Variants in TBX19 observed in about 807,000 individuals in gnomAD.
TBX19 encodes T-box transcription factor 19, also known as T-box transcription factor TBX19.
A neutral mutation model predicts 40.9 loss-of-function variants in TBX19; 33 were observed. The observed-to-expected ratio is 0.81, with a 90% CI of 0.61 to 1.08. The LOEUF (loss-of-function observed/expected upper bound fraction) is 1.08, where lower values mean the gene tolerates loss of function less well. Ranked by LOEUF, TBX19 falls within the 50% of genes least tolerant of loss-of-function variation. The pLI, the probability that TBX19 is intolerant of heterozygous loss-of-function variation, is 0.00. For synonymous variants in TBX19, 220 were observed against 225.0 expected (o/e 0.98, Z 0.20); for missense variants, 494 against 574.0 (o/e 0.86, Z 1.42).
At chr1:168,293,347 T>A in intron 3 of TBX19, 69 bp downstream of exon 3, 2 of 1,449,684 alleles carry the variant, frequency 1.4e-6, no homozygotes, top group South Asian at 1.2e-5. Flanking sequence ...TGGGAGATCA[T>A]GGCAGGATGG....
intron 1 of TBX19, among the ~76,000 whole-genome samples, chr1:168,282,040 G>A (rs1648666332): frequency 1.3e-5 from 2 of 152,184 alleles, no homozygotes; most frequent in Non-Finnish European, 2.9e-5. Flanking sequence ...TCACTTCGTA[G>A]AGGAGACGCA....
At chr1:168,292,762 G>C (rs1308216505) in intron 2 of TBX19, among the ~76,000 whole-genome samples, 2 of 151,760 alleles carry the variant, frequency 1.3e-5, no homozygotes, top group Non-Finnish European at 2.9e-5. Flanking sequence ...TACTCGGGAG[G>C]CTGAGGCAGG....
At chr1:168,303,897 T>C (rs1649341390) in intron 5 of TBX19, among the ~76,000 whole-genome samples, 1 of 152,256 alleles carries the variant, frequency 6.6e-6, no homozygotes, top group Admixed American at 6.5e-5. Context: ...GCAGTGAGGA[T>C]AACCAGAGGT....
intron 7 of TBX19, among the ~76,000 whole-genome samples, chr1:168,310,713 T>C (rs533116298): frequency 6.8e-6 from 1 of 146,922 alleles, no homozygotes; most frequent in African/African-American, 2.5e-5. Flanking sequence ...ATTACATATA[T>C]TTTTATATTT....
At chr1:168,292,334 C>CT (rs1396902730) in intron 2 of TBX19, among the ~76,000 whole-genome samples, 2 of 152,206 alleles carry the variant, frequency 1.3e-5, no homozygotes, top group Non-Finnish European at 2.9e-5. Flanking sequence ...CAGCAGGAGA[C>CT]TGTCATTACA....
At chr1:168,306,107 T>C (rs1649398324) in intron 6 of TBX19, among the ~76,000 whole-genome samples, 1 of 152,184 alleles carries the variant, frequency 6.6e-6, no homozygotes, top group Non-Finnish European at 1.5e-5. Flanking sequence ...TTGTAGAGGG[T>C]CCTCCTGGTC....
intron 3 of TBX19, 84 bp downstream of exon 3, chr1:168,293,362 G>T (rs1363965883): frequency 3.4e-6 from 5 of 1,490,764 alleles, no homozygotes; most frequent in East Asian, 5.1e-5. Flanking sequence ...GGATGGGCGG[G>T]GGGGGTCCTT....
At chr1:168,301,349 G>A (rs887423259) in intron 5 of TBX19, among the ~76,000 whole-genome samples, 1 of 151,784 alleles carries the variant, frequency 6.6e-6, no homozygotes, top group Non-Finnish European at 1.5e-5. Flanking sequence ...TGCAACCTCC[G>A]CCTCCCGGGT....
In TBX19 at chr1:168,291,189, T is replaced by A; in HGVS notation, c.233T>A (p.Val78Asp). The A allele has an allele frequency of 6.2e-7, 1 of 1,614,202 alleles. No homozygotes were observed. Among genetic ancestry groups the A allele is most frequent in the Non-Finnish European group, 8.5e-7 (1 of 1,180,044 alleles). Residue 78 changes from valine (V) to aspartate (D), a missense_variant, in exon 2 of 8, where the codon GTC (valine) becomes GAC (aspartate). This residue lies in a region of TBX19 where 201 missense variants were observed against 235.2 expected (regional missense o/e 0.85). Coordinates refer to ENST00000367821, the MANE Select transcript of TBX19 (RefSeq NM_005149.3). ...RRMFPVLKIS[V>D]TGLDPNAMYS... Reference sequence around the variant, plus strand: ...ATGTTTCCAGTCCTAAAGATTAGTGTCACAGGGTTGGACCCCAATGCCATG... The same window carrying A: ...ATGTTTCCAGTCCTAAAGATTAGTGACACAGGGTTGGACCCCAATGCCATG...
chr1:168,281,666 GAC>G (rs1470576919), intron 1 of TBX19, among the ~76,000 whole-genome samples: 1 of 152,226 alleles, frequency 6.6e-6, no homozygotes, highest in African/African-American at 2.4e-5. Context: ...TAAGGTGAAA[GAC>G]AACTTTATTT....
intron 1 of TBX19, 68 bp from the exon 2 acceptor site, chr1:168,291,092 G>C: frequency 6.2e-7 from 1 of 1,608,926 alleles, no homozygotes; most frequent in Non-Finnish European, 8.5e-7. Flanking sequence ...AGTATTGAGA[G>C]GCCCCTGGAC....
chr1:168,296,254 C>G (rs982308292), intron 3 of TBX19, among the ~76,000 whole-genome samples: 2 of 152,154 alleles, frequency 1.3e-5, no homozygotes, highest in Non-Finnish European at 2.9e-5. Context: ...TCTTTTTCCT[C>G]TTTCTCCTGA....
At chr1:168,281,318 G>A (rs1167045333) in intron 1 of TBX19, 25 bp downstream of exon 1, 4 of 1,610,062 alleles carry the variant, frequency 2.5e-6, no homozygotes, top group Admixed American at 1.7e-5. Context: ...CGCCCCGCGT[G>A]GGCTGGCAGG....
intron 6 of TBX19, among the ~76,000 whole-genome samples, chr1:168,306,063 C>T (rs1015426323): frequency 1.9e-4 from 29 of 152,190 alleles, no homozygotes; most frequent in Admixed American, 1.3e-4. Flanking sequence ...ATTCCAGCCT[C>T]CTTCCTTCCT....
chr1:168,293,282 A>AGTGT lies in TBX19; in HGVS notation c.603+5_603+6insTGTG. 1 of 1,467,126 alleles carries AGTGT rather than the reference A, an allele frequency of 6.8e-7. No homozygotes were observed. Among genetic ancestry groups the AGTGT allele is most frequent in the Non-Finnish European group, 9.1e-7 (1 of 1,101,916 alleles). The allele number at this position is 1,467,126 out of a possible 1,614,324, so 90.9% of individuals were successfully genotyped here. A position where few individuals can be genotyped will look rare whatever the true frequency, so the allele number is the denominator to read the frequency against. Reference sequence around the variant, plus strand: ...GACTGCCTATCAGAATGAGGAGGTAAGAGTGTGTGTGTGTGTGTGTGTGTG... The same window carrying AGTGT: ...GACTGCCTATCAGAATGAGGAGGTAAGTGTGAGTGTGTGTGTGTGTGTGTGTGTG... On this transcript the variant is annotated splice_donor_region_variant and intron_variant, in intron 3 of 7. Transcript: ENST00000367821.
chr1:168,282,600 T>C (rs532772217), intron 1 of TBX19, among the ~76,000 whole-genome samples: 2 of 152,358 alleles, frequency 1.3e-5, no homozygotes, highest in South Asian at 4.1e-4. Context: ...GACCTGTATT[T>C]ACACATTATT....
At chr1:168,298,823 CTTTCTTTCTT>C (rs1213376139) in intron 4 of TBX19, among the ~76,000 whole-genome samples, 249 of 15,538 alleles carry the variant, frequency 0.016, 56 homozygotes, top group African/African-American at 0.064. Context: ...CCCTCCCTTC[CTTTCTTTCTT>C]TCTTTCTTTC....
intron 4 of TBX19, 57 bp from the exon 5 acceptor site, chr1:168,300,365 A>G (rs1649246292): frequency 9.2e-6 from 14 of 1,529,846 alleles, no homozygotes; most frequent in Non-Finnish European, 1.1e-5. Context: ...GGTATGCTTT[A>G]TAGTGGACAT....
At chr1:168,286,892 T>C (rs998362363) in intron 1 of TBX19, among the ~76,000 whole-genome samples, 1 of 152,242 alleles carries the variant, frequency 6.6e-6, no homozygotes, top group Non-Finnish European at 1.5e-5. Context: ...CAATGCTTTT[T>C]ATTGTCTGCT....
Sources: gnomAD v4.1 joint callset for allele counts (sites outside exome capture counted in the v4.1 genomes callset) on GRCh38, gnomAD v4.1.1 for gene constraint, gnomAD v4.1.1 regional missense constraint, MANE v1.5 for transcripts, NCBI Gene and HGNC (gene_info 2026-07-23, HGNC 2026-07-21) for gene names.